The following ARHGAP15 variants were observed in gnomAD, a reference collection of about 807,000 sequenced individuals.
ARHGAP15 encodes the protein Rho GTPase activating protein 15.
In ARHGAP15, 51 loss-of-function variants were observed where a neutral mutation model predicts 63.7. The observed-to-expected ratio is 0.80, with a 90% CI of 0.64 to 1.01. The LOEUF is 1.01. Among genes scored for constraint, ARHGAP15 ranks in the 50% least tolerant of loss-of-function variants. The pLI is 0.00. For synonymous variants in ARHGAP15, 191 were observed against 193.8 expected, an observed-to-expected ratio of 0.99 and a Z score of 0.12; for missense variants, 560 against 564.6, an observed-to-expected ratio of 0.99 and a Z score of 0.08.
At chr2:143,390,180 T>G (rs1687475777) in intron 6 of ARHGAP15, among the ~76,000 whole-genome samples, 3 of 152,114 alleles carry the variant, frequency 2.0e-5, no homozygotes, top group African/African-American at 7.2e-5. Flanking sequence ...ATGAACAACT[T>G]CATCAAAAAC....
At chr2:143,277,310 A>C (rs557769188) in intron 6 of ARHGAP15, among the ~76,000 whole-genome samples, 31 of 151,760 alleles carry the variant, frequency 2.0e-4, no homozygotes, top group African/African-American at 6.5e-4. Context: ...TTATTTCTTT[A>C]GTGTAACTGG....
At chr2:143,362,342 A>C (rs1437056337) in intron 6 of ARHGAP15, among the ~76,000 whole-genome samples, 1 of 152,206 alleles carries the variant, frequency 6.6e-6, no homozygotes, top group Non-Finnish European at 1.5e-5. Flanking sequence ...TATTTGGCAC[A>C]GTTGTGCTCT....
At chr2:143,577,391 A>G (rs1259921347) in intron 11 of ARHGAP15, among the ~76,000 whole-genome samples, 2 of 152,172 alleles carry the variant, frequency 1.3e-5, no homozygotes, top group Admixed American at 6.6e-5. Context: ...AATAAAACAT[A>G]CAAGTGAATC....
chr2:143,439,192 G>A (rs923129612), intron 8 of ARHGAP15, among the ~76,000 whole-genome samples: 1 of 151,794 alleles, frequency 6.6e-6, no homozygotes, highest in African/African-American at 2.4e-5. Flanking sequence ...GGAGGCCAAG[G>A]CGGGTGGATC....
chr2:143,602,336 T>C (rs1697805485), intron 11 of ARHGAP15, among the ~76,000 whole-genome samples: 1 of 152,180 alleles, frequency 6.6e-6, no homozygotes, highest in Non-Finnish European at 1.5e-5. Flanking sequence ...TGGAGATTCA[T>C]GGTTCTTGGG....
At chr2:143,516,542 C>T (rs1015019798) in intron 9 of ARHGAP15, among the ~76,000 whole-genome samples, 2 of 152,058 alleles carry the variant, frequency 1.3e-5, no homozygotes, top group Admixed American at 1.3e-4. Context: ...TTATTAGCCC[C>T]CTATAATATT....
chr2:143,652,642 T>A (rs916244635), intron 12 of ARHGAP15, among the ~76,000 whole-genome samples: 6 of 152,120 alleles, frequency 3.9e-5, no homozygotes, highest in African/African-American at 1.2e-4. Context: ...CACATACCTT[T>A]GGTCATATTT....
At chr2:143,603,566 C>A (rs568540016) in intron 11 of ARHGAP15, among the ~76,000 whole-genome samples, 1 of 152,238 alleles carries the variant, frequency 6.6e-6, no homozygotes, top group Non-Finnish European at 1.5e-5. Flanking sequence ...GGCCTTCTGT[C>A]CCTTTAAGGC....
chr2:143,629,550 A>T (rs1185176656), intron 12 of ARHGAP15, among the ~76,000 whole-genome samples: 1 of 152,124 alleles, frequency 6.6e-6, no homozygotes, highest in Non-Finnish European at 1.5e-5. Context: ...TTTCCAGTAG[A>T]TCTAAATCCT....
intron 13 of ARHGAP15, among the ~76,000 whole-genome samples, chr2:143,767,269 C>G (rs1401885163): frequency 6.6e-6 from 1 of 152,106 alleles, no homozygotes; most frequent in Non-Finnish European, 1.5e-5. Flanking sequence ...TTGGAACAGG[C>G]AAGTCATTAC....
chr2:143,403,304 G>T (rs1171687501), intron 6 of ARHGAP15, among the ~76,000 whole-genome samples: 1 of 151,488 alleles, frequency 6.6e-6, no homozygotes, highest in Non-Finnish European at 1.5e-5. Context: ...CACTCCACTT[G>T]CCAATGCCTG....
At chr2:143,455,318 G>A (rs1690596868) in intron 8 of ARHGAP15, among the ~76,000 whole-genome samples, 2 of 152,090 alleles carry the variant, frequency 1.3e-5, no homozygotes, top group African/African-American at 2.4e-5. Context: ...TGTATAAGGA[G>A]CAGTAAGGAC....
chr2:143,280,170 C>A (rs773874513), intron 6 of ARHGAP15, among the ~76,000 whole-genome samples: 4 of 152,106 alleles, frequency 2.6e-5, no homozygotes, highest in African/African-American at 9.7e-5. Flanking sequence ...TATAGGCTTT[C>A]TTTTAAAAAG....
chr2:143,760,756 A>G (rs565789158), intron 13 of ARHGAP15, among the ~76,000 whole-genome samples: 6 of 152,246 alleles, frequency 3.9e-5, no homozygotes, highest in Admixed American at 1.3e-4. Flanking sequence ...TTTAAAGCTA[A>G]TTTTTTGCTT....
intron 1 of ARHGAP15, among the ~76,000 whole-genome samples, chr2:143,143,858 C>T (rs912408728): frequency 1.3e-5 from 2 of 151,696 alleles, no homozygotes; most frequent in African/African-American, 4.8e-5. Flanking sequence ...ATTATTTAAT[C>T]GCCCAGGTAT....
chr2:143,306,455 A>T (rs905883676), intron 6 of ARHGAP15, among the ~76,000 whole-genome samples: 1 of 152,162 alleles, frequency 6.6e-6, no homozygotes, highest in East Asian at 1.9e-4. Context: ...CATATCGATT[A>T]TATCTTCTGA....
chr2:143,156,852 C>CT, intron 2 of ARHGAP15, among the ~76,000 whole-genome samples: 1 of 151,930 alleles, frequency 6.6e-6, no homozygotes, highest in Non-Finnish European at 1.5e-5. Flanking sequence ...CACTGCCAGC[C>CT]TGACTTTGCT....
chr2:143,432,690 C>A (rs1370170974), intron 6 of ARHGAP15, among the ~76,000 whole-genome samples: 1 of 151,916 alleles, frequency 6.6e-6, no homozygotes, highest in East Asian at 1.9e-4. Flanking sequence ...TCAGATGGAC[C>A]CTTATTTAGT....
At chr2:143,262,535 ATTTTTT>A (rs67267617) in intron 6 of ARHGAP15, among the ~76,000 whole-genome samples, 9 of 90,920 alleles carry the variant, frequency 9.9e-5, no homozygotes, top group Admixed American at 3.7e-4. Context: ...TGAACCTTTG[ATTTTTT>A]TTTTTTTTTT....
Sources: gnomAD v4.1 joint callset for allele counts (sites outside exome capture counted in the v4.1 genomes callset) on GRCh38, gnomAD v4.1.1 for gene constraint, MANE v1.5 for transcripts, NCBI Gene and HGNC (gene_info 2026-07-23, HGNC 2026-07-21) for gene names.